The following PDE4B variants were observed in gnomAD, a reference collection of about 807,000 sequenced individuals.
The protein encoded by PDE4B is phosphodiesterase 4B.
Under a neutral mutation model 82.2 loss-of-function variants are expected in PDE4B, and 20 were observed. The observed-to-expected ratio is 0.24, with a 90% CI of 0.17 to 0.35. PDE4B has a LOEUF of 0.35. Ranked by LOEUF, PDE4B falls within the 10% of genes least tolerant of loss-of-function variation. The pLI, the probability that PDE4B is intolerant of heterozygous loss-of-function variation, is 1.00. For synonymous variants in PDE4B, 320 were observed against 318.9 expected (o/e 1.00, Z -0.04); for missense variants, 655 against 907.2 (o/e 0.72, Z 3.57).
intron 1 of PDE4B, among the ~76,000 whole-genome samples, chr1:65,852,009 A>AATT (rs1412951493): frequency 2.0e-5 from 3 of 152,006 alleles, no homozygotes; most frequent in African/African-American, 7.2e-5. Flanking sequence ...TAATGCAGTG[A>AATT]ATTACACTGA....
At chr1:66,271,970 T>C (rs374322467) in intron 7 of PDE4B, among the ~76,000 whole-genome samples, 1 of 152,356 alleles carries the variant, frequency 6.6e-6, no homozygotes, top group East Asian at 1.9e-4. Flanking sequence ...CATCTATGAA[T>C]CAACCTTTTT....
intron 3 of PDE4B, among the ~76,000 whole-genome samples, chr1:66,049,783 G>A (rs1285044700): frequency 6.6e-6 from 1 of 151,948 alleles, no homozygotes; most frequent in Non-Finnish European, 1.5e-5. Flanking sequence ...TACCAGTAAT[G>A]CCAAGAACTT....
At chr1:65,862,572 T>A (rs12036455) in intron 1 of PDE4B, among the ~76,000 whole-genome samples, 10,492 of 152,258 alleles carry the variant, frequency 0.069, 658 homozygotes, top group East Asian at 0.34. Flanking sequence ...ATAAAATGAG[T>A]TAGGGAGGAG....
intron 7 of PDE4B, among the ~76,000 whole-genome samples, chr1:66,288,038 T>A (rs749656820): frequency 5.9e-5 from 9 of 151,704 alleles, no homozygotes; most frequent in Non-Finnish European, 1.3e-4. Context: ...ATACCAAAGG[T>A]TAGGTAATTT....
chr1:66,345,719 C>A (rs115819712), intron 8 of PDE4B, among the ~76,000 whole-genome samples: 1,608 of 152,268 alleles, frequency 0.011, 28 homozygotes, highest in African/African-American at 0.037. Flanking sequence ...TCCTGTTGTG[C>A]GGCAATGGCT....
chr1:66,367,892 C>G, intron 14 of PDE4B, 42 bp downstream of exon 14: 1 of 1,612,836 alleles, frequency 6.2e-7, no homozygotes, highest in Non-Finnish European at 8.5e-7. Context: ...TACTGCCATT[C>G]TCTCTGATAG....
intron 3 of PDE4B, among the ~76,000 whole-genome samples, chr1:66,078,055 G>A (rs1656519612): frequency 6.6e-6 from 1 of 151,990 alleles, no homozygotes; most frequent in South Asian, 2.1e-4. Context: ...GAGAACAGTT[G>A]GTTCTTTGTA....
chr1:66,253,236 T>C (rs530787352), intron 4 of PDE4B, among the ~76,000 whole-genome samples: 10,282 of 152,288 alleles, frequency 0.068, 681 homozygotes, highest in East Asian at 0.35. Context: ...ATCTGTGCTG[T>C]TAACCACTAT....
intron 3 of PDE4B, among the ~76,000 whole-genome samples, chr1:66,234,846 T>G (rs1298416681): frequency 1.3e-5 from 2 of 152,180 alleles, no homozygotes; most frequent in Non-Finnish European, 2.9e-5. Context: ...TGCTTTTTCT[T>G]GAGCTAGAAA....
At chr1:65,943,149 T>C (rs12085612) in intron 3 of PDE4B, among the ~76,000 whole-genome samples, 6,265 of 152,072 alleles carry the variant, frequency 0.041, 478 homozygotes, top group East Asian at 0.36. Flanking sequence ...TTTCAGATCT[T>C]ACATTTAACT....
chr1:65,885,779 G>A lies in PDE4B; in HGVS notation c.-70-27466G>A, dbSNP rs181807823. Among the ~76,000 whole-genome samples, 40 of 151,786 alleles carry A rather than the reference G, an allele frequency of 2.6e-4. No individual in the cohort carries two copies. In the East Asian group the frequency reaches 6.2e-3, roughly 24 times the overall value. ...TAATGTAAGTGATGAGTTAATGGGT[G>A]CAGCACACCAACATGGCACATGTAT... On this transcript the variant is annotated intron_variant, in intron 1 of 16. Transcript: ENST00000341517.
At chr1:66,130,473 G>A in intron 3 of PDE4B, among the ~76,000 whole-genome samples, 1 of 152,162 alleles carries the variant, frequency 6.6e-6, no homozygotes, top group East Asian at 1.9e-4. Context: ...TCAATCCCAT[G>A]TAGTGGATGC....
At chr1:65,958,241 G>GT (rs1246099216) in intron 3 of PDE4B, among the ~76,000 whole-genome samples, 8 of 151,714 alleles carry the variant, frequency 5.3e-5, no homozygotes, top group Non-Finnish European at 8.8e-5. Flanking sequence ...TATTGAGATG[G>GT]TTTTTTTAAA....
At chr1:65,860,201 C>G (rs763463470) in intron 1 of PDE4B, among the ~76,000 whole-genome samples, 1 of 152,208 alleles carries the variant, frequency 6.6e-6, no homozygotes. Flanking sequence ...CTCCCCTCAC[C>G]GCTCACCCTC....
intron 1 of PDE4B, among the ~76,000 whole-genome samples, chr1:65,865,772 C>T (rs1373531360): frequency 1.3e-5 from 2 of 152,184 alleles, no homozygotes; most frequent in African/African-American, 2.4e-5. Flanking sequence ...GCAGAAATCA[C>T]GCAACTTCTT....
At chr1:66,003,006 C>T (rs1177111685) in intron 3 of PDE4B, among the ~76,000 whole-genome samples, 5 of 152,044 alleles carry the variant, frequency 3.3e-5, no homozygotes, top group Non-Finnish European at 5.9e-5. Context: ...GACTAAATCT[C>T]TAAACATACA....
At chr1:65,864,975 G>A (rs920429987) in intron 1 of PDE4B, among the ~76,000 whole-genome samples, 1 of 152,126 alleles carries the variant, frequency 6.6e-6, no homozygotes, top group Non-Finnish European at 1.5e-5. Context: ...CTGAAGCTGC[G>A]CCCACAACCG....
intron 1 of PDE4B, among the ~76,000 whole-genome samples, chr1:65,896,515 C>T (rs1267921753): frequency 6.6e-6 from 1 of 152,120 alleles, no homozygotes; most frequent in Non-Finnish European, 1.5e-5. Context: ...TAATGACAGT[C>T]TGAGAAACAG....
At chr1:65,851,174 A>G (rs932112713) in intron 1 of PDE4B, among the ~76,000 whole-genome samples, 5 of 152,126 alleles carry the variant, frequency 3.3e-5, no homozygotes, top group Admixed American at 1.3e-4. Context: ...TCATGAACCT[A>G]TGTTTTATCC....
Sources: gnomAD v4.1 joint callset for allele counts (sites outside exome capture counted in the v4.1 genomes callset) on GRCh38, gnomAD v4.1.1 for gene constraint, MANE v1.5 for transcripts, NCBI Gene and HGNC (gene_info 2026-07-23, HGNC 2026-07-21) for gene names.